SCNN1G: variants seen among roughly 807,000 people sequenced by gnomAD.
SCNN1G encodes the protein epithelial sodium channel subunit gamma.
In SCNN1G, 27 loss-of-function variants were observed where a neutral mutation model predicts 64.6. That is an observed-to-expected ratio of 0.42 (90% CI 0.31 to 0.58). The LOEUF is 0.58. SCNN1G is among the 20% of genes least tolerant of loss of function. The pLI is 0.18. For synonymous variants in SCNN1G, 330 were observed against 314.2 expected (o/e 1.05, Z -0.53); for missense variants, 743 against 823.4 (o/e 0.90, Z 1.19).
In SCNN1G at chr16:23,203,769, C is replaced by CAAAAA. The variant is rs71151702; in HGVS notation, c.1078-5958_1078-5954dup. ...TGGGCGACAGAGTGAGACTCCGTCT[C>CAAAAA]AAAAAAAAAAAAAAAAAAAAAAAAA... On this transcript the variant is annotated intron_variant, in intron 6 of 12. Coordinates refer to ENST00000300061, the MANE Select transcript of SCNN1G (RefSeq NM_001039.4). Among the ~76,000 whole-genome samples the CAAAAA allele has an allele frequency of 7.1e-5, 3 of 42,280 alleles. 1 individual carries two copies. The highest frequency in any genetic ancestry group is 1.1e-4 in the Non-Finnish European group (3 of 27,548). 27.7% of individuals were successfully genotyped at this position (42,280 alleles called of 152,430 possible). A position where few individuals can be genotyped will look rare whatever the true frequency, so the allele number is the denominator to read the frequency against.
intron 4 of SCNN1G, 94 bp downstream of exon 4, chr16:23,192,636 T>C (rs1959728283): frequency 1.9e-6 from 2 of 1,043,048 alleles, no homozygotes; most frequent in Admixed American, 4.0e-5. Flanking sequence ...TGATAGGTCT[T>C]GGGAGCAAAA....
At chr16:23,201,324 A>AC (rs1204281089) in intron 6 of SCNN1G, among the ~76,000 whole-genome samples, 1 of 152,180 alleles carries the variant, frequency 6.6e-6, no homozygotes, top group East Asian at 1.9e-4. Context: ...AAGTATAAGA[A>AC]CTAAGGAATT....
At chr16:23,186,139 G>T in intron 1 of SCNN1G, 89 bp from the exon 2 acceptor site, 1 of 807,224 alleles carries the variant, frequency 1.2e-6, no homozygotes, top group East Asian at 2.6e-5. Context: ...AGGGCGCATG[G>T]ACTGGTGTTT....
intron 8 of SCNN1G, among the ~76,000 whole-genome samples, chr16:23,212,388 T>C (rs1195420950): frequency 6.6e-6 from 1 of 152,174 alleles, no homozygotes; most frequent in Non-Finnish European, 1.5e-5. Context: ...TTTCACAGAA[T>C]AGATAACCAA....
Position 23,215,615 on chromosome 16 carries a change from G to A in SCNN1G, c.*146G>A, listed in dbSNP as rs1053199333. The A allele has an allele frequency of 3.8e-5, 34 of 899,818 alleles. No homozygotes were observed. The highest frequency in any genetic ancestry group is 3.2e-4 in the Middle Eastern group (1 of 3,122). The allele number at this position is 899,818 out of a possible 1,614,324, so 55.7% of individuals were successfully genotyped here. On this transcript the variant is annotated 3_prime_UTR_variant, in exon 13 of 13. Coordinates refer to ENST00000300061, the MANE Select transcript of SCNN1G (RefSeq NM_001039.4). Reference sequence around the variant, plus strand: ...CTGACCAAAAAGCCTGCTTTAAACCGCAAGATGGGGCCTGGGCATGCGCAG... The same window carrying A: ...CTGACCAAAAAGCCTGCTTTAAACCACAAGATGGGGCCTGGGCATGCGCAG...
At position 23,194,225 on chromosome 16, in the gene SCNN1G, C is replaced by T. The variant is rs758594186; in HGVS notation, c.864C>T (p.Asn288=). 5 of 1,613,976 alleles carry T rather than the reference C, an allele frequency of 3.1e-6. No individual in the cohort carries two copies. The highest frequency in any genetic ancestry group is 4.2e-6 in the Non-Finnish European group (5 of 1,179,906). ...ATGGGAATTGCTATACTTTCAACAA[C>T]AGAGAAAATGAGACCATTCTCAGCA... is the stretch of plus-strand genomic sequence containing the variant. The part of the protein sequence containing the change: ...PMHGNCYTFN[N]RENETILSTS... The change falls in exon 5 of 13, where the codon AAC becomes AAT. Residue 288 remains asparagine, a synonymous_variant. Transcript: ENST00000300061.
At chr16:23,200,094 A>G (rs1197625780) in intron 6 of SCNN1G, among the ~76,000 whole-genome samples, 3 of 152,142 alleles carry the variant, frequency 2.0e-5, no homozygotes, top group African/African-American at 4.8e-5. Flanking sequence ...TAAACTTCCT[A>G]GCTTTTATCC....
chr16:23,207,004 C>T (rs747815270), intron 6 of SCNN1G, among the ~76,000 whole-genome samples: 14 of 152,142 alleles, frequency 9.2e-5, no homozygotes, highest in Non-Finnish European at 1.8e-4. Flanking sequence ...TTCATGCATT[C>T]GAGGCATGAA....
At position 23,213,089 on chromosome 16, in the gene SCNN1G, C is replaced by G. The variant is rs1246439534; in HGVS notation, c.1432-13C>G. ...AGGCACCCTCAGGCCCACGCTTTCT[C>G]TCTCCGTTGTAGAAGTGGTTGCTGC... On this transcript the variant is annotated splice_polypyrimidine_tract_variant and intron_variant, in intron 10 of 12. Coordinates refer to ENST00000300061, the MANE Select transcript of SCNN1G (RefSeq NM_001039.4). 6.2e-7 allele frequency: 1 copy of G among 1,613,320 alleles called. No homozygotes were observed. The highest frequency in any genetic ancestry group is 8.5e-7 in the Non-Finnish European group (1 of 1,179,416).
At chr16:23,213,053 C>G (rs768909415) in intron 10 of SCNN1G, 49 bp from the exon 11 acceptor site, 1 of 1,572,052 alleles carries the variant, frequency 6.4e-7, no homozygotes, top group Non-Finnish European at 8.8e-7. Context: ...GGAGGCTGGC[C>G]CTAGCCTCTC....
In SCNN1G at chr16:23,186,355, G is replaced by C; in HGVS notation, c.84G>C (p.Leu28=). ...CTCAGGCGCCGACCATTAAAGAGCTGATGCGGTGGTACTGCCTCAACACCA... is the reference window on the plus strand; with the variant it reads ...CTCAGGCGCCGACCATTAAAGAGCTCATGCGGTGGTACTGCCTCAACACCA... ...TGPQAPTIKE[L]MRWYCLNTNT... The change falls in exon 2 of 13, where the codon CTG becomes CTC. Residue 28 remains leucine (L), a synonymous_variant. Coordinates refer to ENST00000300061, the MANE Select transcript of SCNN1G (RefSeq NM_001039.4). 6.2e-7 allele frequency: 1 copy of C among 1,614,270 alleles called. No homozygotes were observed. The highest frequency in any genetic ancestry group is 8.5e-7 in the Non-Finnish European group (1 of 1,180,040).
Position 23,189,494 on chromosome 16 carries a change from A to T in SCNN1G, c.441A>T (p.Ser147=). The T allele has an allele frequency of 6.2e-7, 1 of 1,614,226 alleles. No homozygotes were observed. The highest frequency in any genetic ancestry group is 1.1e-5 in the South Asian group (1 of 91,088). Residue 147 remains serine, a synonymous_variant, in exon 3 of 13, where the codon TCA becomes TCT. Transcript: ENST00000300061. The part of the protein sequence containing the change: ...RREAESWNSV[S]EGKQPRFSHR... Reference sequence around the variant, plus strand: ...AGGCGGAGTCCTGGAACTCCGTCTCAGAGGGAAAGCAGCCTAGATTCTCCC... The same window carrying T: ...AGGCGGAGTCCTGGAACTCCGTCTCTGAGGGAAAGCAGCCTAGATTCTCCC...
chr16:23,212,917 C>T, intron 10 of SCNN1G, 23 bp downstream of exon 10: 1 of 1,611,500 alleles, frequency 6.2e-7, no homozygotes. Flanking sequence ...GCCCACCCTT[C>T]CCCACTGAAG....
intron 3 of SCNN1G, 108 bp from the exon 4 acceptor site, chr16:23,192,244 G>C: frequency 1.1e-6 from 1 of 918,278 alleles, no homozygotes; most frequent in South Asian, 1.3e-5. Flanking sequence ...TATCCAACCT[G>C]TTCCCCTGAG....
At chr16:23,183,135 C>T (rs1336631101) in intron 1 of SCNN1G, among the ~76,000 whole-genome samples, 1 of 152,244 alleles carries the variant, frequency 6.6e-6, no homozygotes, top group South Asian at 2.1e-4. Flanking sequence ...CGGGGTGAGT[C>T]GCGTGGACCT....
intron 8 of SCNN1G, among the ~76,000 whole-genome samples, 169 bp downstream of exon 8, chr16:23,212,320 T>C (rs1960093070): frequency 6.6e-6 from 1 of 152,210 alleles, no homozygotes; most frequent in Non-Finnish European, 1.5e-5. Flanking sequence ...GCTTAAATTA[T>C]ACTTTGCAAC....
At chr16:23,200,426 T>C (rs1368967960) in intron 6 of SCNN1G, among the ~76,000 whole-genome samples, 1 of 152,214 alleles carries the variant, frequency 6.6e-6, no homozygotes, top group Non-Finnish European at 1.5e-5. Context: ...GCTAATTGTG[T>C]CTTCCCAAGT....
At chr16:23,193,069 C>CA (rs56318076) in intron 4 of SCNN1G, among the ~76,000 whole-genome samples, 14,693 of 68,660 alleles carry the variant, frequency 0.21, 2,651 homozygotes, top group East Asian at 0.37. Context: ...ACTCTTGTCT[C>CA]AAAAAAAAAA....
At position 23,211,439 on chromosome 16, in the gene SCNN1G, G is replaced by A. The variant is rs537483140; in HGVS notation, c.1177-595G>A. 2.0e-5 allele frequency among the ~76,000 whole-genome samples: 3 copies of A among 152,272 alleles called. No individual in the cohort carries two copies. The South Asian group carries it at 6.2e-4, about 32-fold the overall frequency. On this transcript the variant is annotated intron_variant, in intron 7 of 12. Coordinates refer to ENST00000300061, the MANE Select transcript of SCNN1G (RefSeq NM_001039.4). ...AATTTTCCCACTTATCTTTGTGTTG[G>A]CACCCACATGATGGAAAATGACCAC...
Sources: allele counts gnomAD v4.1 joint callset (sites outside exome capture counted in the v4.1 genomes callset), GRCh38; gene constraint gnomAD v4.1.1; transcripts MANE v1.5; gene names NCBI Gene and HGNC (gene_info 2026-07-23, HGNC 2026-07-21).